Variants in LRP1 observed in about 807,000 individuals in gnomAD.
The protein encoded by LRP1 is LDL receptor related protein 1.
Under a neutral mutation model 541.5 loss-of-function variants are expected in LRP1, and 51 were observed. The observed-to-expected ratio is 0.09, with a 90% CI of 0.08 to 0.12. The LOEUF (loss-of-function observed/expected upper bound fraction) is 0.12. LRP1 is among the 10% of genes least tolerant of loss of function. The pLI is 1.00. For synonymous variants in LRP1, 2,219 were observed against 2,470.8 expected, an observed-to-expected ratio of 0.90 and a Z score of 3.02; for missense variants, 3,878 against 6,376.2, an observed-to-expected ratio of 0.61 and a Z score of 13.34.
intron 33 of LRP1, 129 bp from the exon 34 acceptor site, chr12:57,181,028 G>T: frequency 7.8e-7 from 1 of 1,277,402 alleles, no homozygotes. Flanking sequence ...TGAGAGCTGG[G>T]TAGGGTGGTG....
intron 18 of LRP1, 106 bp from the exon 19 acceptor site, chr12:57,167,337 TG>T: frequency 1.2e-6 from 1 of 840,776 alleles, no homozygotes; most frequent in South Asian, 1.5e-5. Flanking sequence ...CCTTCCTGAC[TG>T]GGCTAAGGGC....
chr12:57,209,278 T>A, intron 79 of LRP1, 79 bp downstream of exon 79: 2 of 1,114,528 alleles, frequency 1.8e-6, no homozygotes, highest in South Asian at 2.6e-5. Flanking sequence ...AAGGCCTCAC[T>A]TCAATGCCTC....
rs549649746 is a variant in LRP1 at position 57,184,523 on chromosome 12, C to G, written c.6186+71C>G. The G allele has an allele frequency of 1.8e-5, 28 of 1,592,380 alleles. No homozygotes were observed. In the East Asian group the frequency reaches 6.1e-4, roughly 35 times the overall value. ...CCAGGCTCCTGTTCCCTGTGATGAGCCCATTCTGGGAGGACTTGGAGCCCA... is the reference window on the plus strand; with the variant it reads ...CCAGGCTCCTGTTCCCTGTGATGAGGCCATTCTGGGAGGACTTGGAGCCCA... On this transcript the variant is annotated intron_variant, in intron 38 of 88. Coordinates refer to ENST00000243077, the MANE Select transcript of LRP1 (RefSeq NM_002332.3). This position sits in a 1 kb window ranked among gnomAD's most constrained non-coding sequence, Gnocchi z 7.8.
rs749273673 is a variant in LRP1, at chr12:57,162,533, C to T, written c.2404+15C>T. ...GCAGCAGCAAGGTACCTCCTTGGGG[C>T]TGGGGGCAGCGTGGGACCTGGAAGG... On this transcript the variant is annotated intron_variant, in intron 14 of 88. Coordinates refer to ENST00000243077, the MANE Select transcript of LRP1 (RefSeq NM_002332.3). The surrounding 1 kb of genome is among the most constrained non-coding windows in gnomAD (Gnocchi z 5.2). 1.9e-6 allele frequency: 3 copies of T among 1,612,924 alleles called. No individual in the cohort carries two copies. The South Asian group carries it at 3.3e-5, about 18-fold the overall frequency.
chr12:57,163,651 C>G (rs2035783212), intron 15 of LRP1, among the ~76,000 whole-genome samples: 1 of 151,840 alleles, frequency 6.6e-6, no homozygotes, highest in African/African-American at 2.4e-5. Context: ...GAAAAAAGCC[C>G]AAATCCCACC....
At chr12:57,142,285 C>T (rs1005431810) in intron 3 of LRP1, among the ~76,000 whole-genome samples, 3 of 152,162 alleles carry the variant, frequency 2.0e-5, no homozygotes, top group Admixed American at 1.3e-4. Context: ...GGTCTGGGCC[C>T]GGAGCAAGAG....
At position 57,197,770 on chromosome 12, in the gene LRP1, C is replaced by A; in HGVS notation, c.9282+106C>A. The stretch of plus-strand genomic sequence containing the variant: ...CAACCCAAATTGCTTCCTTCTCACT[C>A]CACTAGTCACTATATGACTGCTTGT... On this transcript the variant is annotated intron_variant, in intron 58 of 88. Transcript: ENST00000243077. The surrounding 1 kb of genome is among the most constrained non-coding windows in gnomAD (Gnocchi z 4.5). 1 of 1,312,916 alleles carries A rather than the reference C, an allele frequency of 7.6e-7. No individual in the cohort carries two copies. Among genetic ancestry groups the A allele is most frequent in the Non-Finnish European group, 1.1e-6 (1 of 947,898 alleles). The allele number at this position is 1,312,916 out of a possible 1,614,324, so 81.3% of individuals were successfully genotyped here.
chr12:57,204,816 C>A lies in LRP1; in HGVS notation c.11194+67C>A. 6.3e-7 allele frequency: 1 copy of A among 1,595,850 alleles called. No individual in the cohort carries two copies. Among genetic ancestry groups the A allele is most frequent in the South Asian group, 1.1e-5 (1 of 90,160 alleles). On this transcript the variant is annotated intron_variant, in intron 72 of 88. Coordinates refer to ENST00000243077, the MANE Select transcript of LRP1 (RefSeq NM_002332.3). The surrounding 1 kb of genome is among the most constrained non-coding windows in gnomAD (Gnocchi z 5.3). ...TGCACAGTGGGGTGAGTCTGGTCCT[C>A]GTGGGAGCTGCACTGGGGTTAGGGT...
rs1198173168 is a variant in LRP1 at position 57,212,102 on chromosome 12, C to T, written c.13350-15C>T. ...CCAATAATCTCTGTCTCCTTATACTCCTGCCTTTCCCCAGGGCTAAGGGCT... is the reference window on the plus strand; with the variant it reads ...CCAATAATCTCTGTCTCCTTATACTTCTGCCTTTCCCCAGGGCTAAGGGCT... On this transcript the variant is annotated splice_polypyrimidine_tract_variant and intron_variant, in intron 87 of 88. Transcript: ENST00000243077. The surrounding 1 kb of genome is among the most constrained non-coding windows in gnomAD (Gnocchi z 5.0). The T allele has an allele frequency of 6.2e-7, 1 of 1,613,722 alleles. No homozygotes were observed. Among genetic ancestry groups the T allele is most frequent in the Non-Finnish European group, 8.5e-7 (1 of 1,179,838 alleles).
chr12:57,145,547 T>C, intron 6 of LRP1, 57 bp downstream of exon 6: 1 of 1,587,990 alleles, frequency 6.3e-7, no homozygotes, highest in East Asian at 2.2e-5. Context: ...ACAGGGAAGG[T>C]GGACCCTATC....
Position 57,179,005 on chromosome 12 carries a change from C to T in LRP1, c.4722C>T (p.Asp1574=), listed in dbSNP as rs1427385841. The T allele has an allele frequency of 1.2e-6, 2 of 1,614,078 alleles. No homozygotes were observed. The highest frequency in any genetic ancestry group is 1.7e-6 in the Non-Finnish European group (2 of 1,179,986). ...ACPHLMKLHK[D]NTTCYEFKKF... The stretch of plus-strand genomic sequence containing the variant: ...CCCACCTCATGAAGCTCCACAAGGA[C>T]AACACCACCTGCTATGGTAGGAGCC... Residue 1574 remains aspartate (D), a synonymous_variant, in exon 28 of 89, where the codon GAC becomes GAT. Coordinates refer to ENST00000243077, the MANE Select transcript of LRP1 (RefSeq NM_002332.3). The surrounding 1 kb of genome is among the most constrained non-coding windows in gnomAD (Gnocchi z 6.8).
At chr12:57,145,664 G>A (rs1286949163) in intron 6 of LRP1, among the ~76,000 whole-genome samples, 174 bp downstream of exon 6, 12 of 152,154 alleles carry the variant, frequency 7.9e-5, no homozygotes, top group African/African-American at 1.7e-4. Flanking sequence ...CCACCGGCAC[G>A]CTCCCTCCCA....
At position 57,129,045 on chromosome 12, in the gene LRP1, C is replaced by T; in HGVS notation, c.67+14C>T. 1.3e-6 allele frequency: 2 copies of T among 1,551,450 alleles called. No individual in the cohort carries two copies. The highest frequency in any genetic ancestry group is 2.4e-5 in the South Asian group (2 of 84,058). ...CGGCTATCGACGGTGAGTGAGATTCCGCGTCCCCCTTGGACCCCTGGGGGC... is the reference window on the plus strand; with the variant it reads ...CGGCTATCGACGGTGAGTGAGATTCTGCGTCCCCCTTGGACCCCTGGGGGC... On this transcript the variant is annotated intron_variant, in intron 1 of 88. Coordinates refer to ENST00000243077, the MANE Select transcript of LRP1 (RefSeq NM_002332.3).
chr12:57,210,215 C>T (rs752556629), intron 81 of LRP1, 46 bp downstream of exon 81: 2 of 1,554,636 alleles, frequency 1.3e-6, no homozygotes, highest in Non-Finnish European at 1.7e-6. Context: ...AGGACCATCT[C>T]CTTCCTGTGG....
rs2036608406 is a variant in LRP1 at position 57,199,720 on chromosome 12, T to C, written c.9866-157T>C. 3.3e-5 allele frequency among the ~76,000 whole-genome samples: 5 copies of C among 152,202 alleles called. No individual in the cohort carries two copies. In the South Asian group the frequency reaches 1.0e-3, roughly 32 times the overall value. On this transcript the variant is annotated intron_variant, in intron 61 of 88. Coordinates refer to ENST00000243077, the MANE Select transcript of LRP1 (RefSeq NM_002332.3). ...GAGCTGGCCTTCAGGCCTGGCCTGA[T>C]CCTGGGACCTTAGAATCCTCTCCTA...
chr12:57,172,999 A>G (rs1375372274), intron 20 of LRP1, among the ~76,000 whole-genome samples, 169 bp from the exon 21 acceptor site: 3 of 152,160 alleles, frequency 2.0e-5, no homozygotes, highest in Non-Finnish European at 4.4e-5. Flanking sequence ...TCCTGACTCT[A>G]CTACTGAGTT....
intron 34 of LRP1, among the ~76,000 whole-genome samples, chr12:57,182,838 A>G (rs1255579030): frequency 6.6e-6 from 1 of 152,138 alleles, no homozygotes; most frequent in East Asian, 1.9e-4. Flanking sequence ...ACAAAGAAAA[A>G]CAAAAGAAAA....
Position 57,154,826 on chromosome 12 carries a change from C to A in LRP1, c.1227+125C>A. The A allele has an allele frequency of 1.2e-6, 1 of 864,628 alleles. No individual in the cohort carries two copies. Among genetic ancestry groups the A allele is most frequent in the East Asian group, 2.6e-5 (1 of 37,752 alleles). 53.6% of individuals were successfully genotyped at this position (864,628 alleles called of 1,614,324 possible). A position where few individuals can be genotyped will look rare whatever the true frequency, so the allele number is the denominator to read the frequency against. ...TGGTAAAGAGCGTGGATGCCCCAGG[C>A]CTCTAGTGGGAGTGGGGTGGGCTTG... On this transcript the variant is annotated intron_variant, in intron 8 of 88. Coordinates refer to ENST00000243077, the MANE Select transcript of LRP1 (RefSeq NM_002332.3). This position sits in a 1 kb window ranked among gnomAD's most constrained non-coding sequence, Gnocchi z 4.6.
rs768247816 is a variant in LRP1 at position 57,195,947 on chromosome 12, A to G, written c.8645A>G (p.Asn2882Ser). ...CGCCAGTGGGAGTGTGATGGCGAGA[A>G]TGACTGCCACGACCAGAGTGACGAG... ...SSRQWECDGE[N>S]DCHDQSDEAP... is the part of the protein sequence containing the mutation. Residue 2882 changes from asparagine (N) to serine (S), a missense_variant, in exon 54 of 89, where the codon AAT becomes AGT. Physicochemically the swap from Asn to Ser is conservative, Grantham distance 46. Coordinates refer to ENST00000243077, the MANE Select transcript of LRP1 (RefSeq NM_002332.3). 7 of 1,613,498 alleles carry G rather than the reference A, an allele frequency of 4.3e-6. No homozygotes were observed. Among genetic ancestry groups the G allele is most frequent in the East Asian group, 2.2e-5 (1 of 44,896 alleles).
Sources: allele counts gnomAD v4.1 joint callset (sites outside exome capture counted in the v4.1 genomes callset), GRCh38; gene constraint gnomAD v4.1.1; non-coding constraint Gnocchi (gnomAD v3.1); transcripts MANE v1.5; gene names NCBI Gene and HGNC (gene_info 2026-07-23, HGNC 2026-07-21).